The following CCDC33 variants were observed in gnomAD, a reference collection of about 807,000 sequenced individuals.
CCDC33 encodes coiled-coil domain containing 33, also known as coiled-coil domain-containing protein 33.
CCDC33 carries 94 observed loss-of-function variants against 91.9 expected under a neutral mutation model. The observed-to-expected ratio is 1.02, with a 90% CI of 0.87 to 1.21. The LOEUF is 1.21. CCDC33 is among the 50% of genes most tolerant of loss of function. CCDC33 has a pLI of 0.00. For synonymous variants in CCDC33, 396 were observed against 374.5 expected (o/e 1.06, Z -0.66); for missense variants, 940 against 935.5 (o/e 1.00, Z -0.06).
intron 11 of CCDC33, chr15:74,312,032 A>G (rs1177556902): frequency 6.6e-6 from 1 of 152,194 alleles, no homozygotes; most frequent in Admixed American, 6.5e-5. Flanking sequence ...ACTGTGCTCA[A>G]CACTAGACAG....
chr15:74,242,016 G>T (rs897528259), intron 1 of CCDC33, among the ~76,000 whole-genome samples: 1 of 152,334 alleles, frequency 6.6e-6, no homozygotes, highest in Non-Finnish European at 1.5e-5. Flanking sequence ...TGTTGAGGGG[G>T]TGTGTGGCTC....
At chr15:74,318,497 A>C in intron 11 of CCDC33, 5 of 595,154 alleles carry the variant, frequency 8.4e-6, no homozygotes, top group South Asian at 2.2e-5. Context: ...GCCTGCTTCC[A>C]GCTCAGGGCT....
chr15:74,252,483 G>A (rs1595946995), intron 2 of CCDC33, among the ~76,000 whole-genome samples: 1 of 152,348 alleles, frequency 6.6e-6, no homozygotes, highest in East Asian at 1.9e-4. Flanking sequence ...TGTTCCACTC[G>A]AAGCTCACTG....
At chr15:74,268,229 G>A in intron 4 of CCDC33, 113 bp from the exon 5 acceptor site, 1 of 754,476 alleles carries the variant, frequency 1.3e-6, no homozygotes, top group Non-Finnish European at 2.4e-6. Flanking sequence ...TCAGCTCGGA[G>A]CCCCAGCGGA....
At chr15:74,219,394 T>A (rs999744954) in intron 2 of CCDC33, among the ~76,000 whole-genome samples, 2 of 152,238 alleles carry the variant, frequency 1.3e-5, no homozygotes. Flanking sequence ...TAGAAGCTGG[T>A]AGAGCAAGTA....
chr15:74,331,325 C>T, intron 15 of CCDC33, 29 bp downstream of exon 15: 1 of 1,607,992 alleles, frequency 6.2e-7, no homozygotes, highest in Non-Finnish European at 8.5e-7. Context: ...GTGATCAGCT[C>T]CCCAGCTTCT....
chr15:74,330,087 C>G, intron 11 of CCDC33, 102 bp from the exon 12 acceptor site: 1 of 1,374,984 alleles, frequency 7.3e-7, no homozygotes, highest in Non-Finnish European at 9.8e-7. Context: ...CTGGTGCTCA[C>G]TGGCCTTGTG....
chr15:74,305,415 G>A (rs1465832040), intron 11 of CCDC33, among the ~76,000 whole-genome samples: 1 of 152,208 alleles, frequency 6.6e-6, no homozygotes, highest in Non-Finnish European at 1.5e-5. Context: ...TTAGGGGTGG[G>A]CCTGGAGAGG....
At chr15:74,254,933 A>C (rs923376618) in intron 2 of CCDC33, among the ~76,000 whole-genome samples, 1 of 151,836 alleles carries the variant, frequency 6.6e-6, no homozygotes, top group Non-Finnish European at 1.5e-5. Context: ...TTTTTAGTAG[A>C]GACGGTGTTT....
At chr15:74,208,840 CT>C in intron 1 of CCDC33, 1 of 988,782 alleles carries the variant, frequency 1.0e-6, no homozygotes, top group Non-Finnish European at 1.2e-6. Context: ...TTCCTTGTCT[CT>C]TTCCTTTCCT....
At chr15:74,286,812 G>T (rs2059484171) in intron 10 of CCDC33, among the ~76,000 whole-genome samples, 1 of 152,140 alleles carries the variant, frequency 6.6e-6, no homozygotes, top group Non-Finnish European at 1.5e-5. Flanking sequence ...TGGGAGTATA[G>T]AGAGGGTGCA....
At chr15:74,207,016 G>C (rs2074275113) in intron 1 of CCDC33, among the ~76,000 whole-genome samples, 1 of 152,214 alleles carries the variant, frequency 6.6e-6, no homozygotes, top group African/African-American at 2.4e-5. Context: ...TCTGCCATTT[G>C]GGCTTGGCAC....
chr15:74,204,433 G>C (rs532586863), intron 1 of CCDC33, among the ~76,000 whole-genome samples: 5 of 152,360 alleles, frequency 3.3e-5, no homozygotes, highest in Admixed American at 2.6e-4. Flanking sequence ...AGGTTCACCA[G>C]CTGGGCTTCC....
intron 2 of CCDC33, among the ~76,000 whole-genome samples, chr15:74,229,167 C>T (rs1238855579): frequency 6.6e-6 from 1 of 152,206 alleles, no homozygotes; most frequent in Non-Finnish European, 1.5e-5. Flanking sequence ...TGGCCTAAGT[C>T]TGAAGCTTGC....
intron 11 of CCDC33, among the ~76,000 whole-genome samples, chr15:74,320,803 C>G (rs1166038716): frequency 6.6e-6 from 1 of 152,242 alleles, no homozygotes; most frequent in Non-Finnish European, 1.5e-5. Flanking sequence ...ATATCCCACC[C>G]AGCCAATGAG....
At chr15:74,203,575 G>A (rs2074178224) in intron 1 of CCDC33, among the ~76,000 whole-genome samples, 1 of 152,248 alleles carries the variant, frequency 6.6e-6, no homozygotes, top group African/African-American at 2.4e-5. Context: ...TGTCAGCTAA[G>A]GCAGTCATTC....
At chr15:74,221,986 G>A (rs1018079132) in intron 2 of CCDC33, among the ~76,000 whole-genome samples, 2 of 152,260 alleles carry the variant, frequency 1.3e-5, no homozygotes, top group African/African-American at 2.4e-5. Flanking sequence ...TGGCCTGTTC[G>A]GTGCTGGACA....
At chr15:74,332,592 A>G (rs2060462176) in intron 15 of CCDC33, 87 bp from the exon 16 acceptor site, 2 of 1,474,684 alleles carry the variant, frequency 1.4e-6, no homozygotes, top group South Asian at 1.3e-5. Context: ...GGGGTGGCAG[A>G]TTGAAGCAAA....
chr15:74,331,346 TG>T lies in CCDC33; in HGVS notation c.1771+52del, dbSNP rs746689225. ...AGCTCCCCAGCTTCTGCTCCACCCC[TG>T]GAGGCCCTGCCTTCCTGGAGCCTCT... On this transcript the variant is annotated intron_variant, in intron 15 of 18. Transcript: ENST00000398814. The T allele has an allele frequency of 3.7e-4, 576 of 1,577,408 alleles. 1 individual carries two copies. The highest frequency in any genetic ancestry group is 2.4e-3 in the Middle Eastern group (13 of 5,438).
Sources: allele counts gnomAD v4.1 joint callset (sites outside exome capture counted in the v4.1 genomes callset), GRCh38; gene constraint gnomAD v4.1.1; transcripts MANE v1.5; gene names NCBI Gene and HGNC (gene_info 2026-07-23, HGNC 2026-07-21).